Variants in SLMAP observed in about 807,000 individuals in gnomAD.
SLMAP encodes the protein sarcolemma associated protein, also known as sarcolemmal membrane-associated protein.
SLMAP carries 44 observed loss-of-function variants against 128.8 expected under a neutral mutation model. The ratio of observed to expected loss-of-function variants is 0.34; its 90% CI spans 0.27 to 0.44. The LOEUF is 0.44. SLMAP is among the 20% of genes least tolerant of loss of function. SLMAP has a pLI of 1.00. For missense variants in SLMAP, 787 were observed against 985.3 expected, an observed-to-expected ratio of 0.80 and a Z score of 2.69; for synonymous variants, 327 against 348.8, an observed-to-expected ratio of 0.94 and a Z score of 0.70.
chr3:57,915,771 GGAAGAAGGAATT>G (rs886727798), intron 21 of SLMAP, among the ~76,000 whole-genome samples: 4 of 152,116 alleles, frequency 2.6e-5, no homozygotes, highest in African/African-American at 9.7e-5. Flanking sequence ...TCTGGGCTAC[GGAAGAAGGAATT>G]GAAGAAGGAA....
intron 17 of SLMAP, chr3:57,900,143 C>T (rs1414599469): frequency 6.6e-6 from 1 of 152,158 alleles, no homozygotes; most frequent in African/African-American, 2.4e-5. Context: ...TTTCCTCATT[C>T]AAACTTTGTG....
chr3:57,804,816 A>G (rs953773342), intron 2 of SLMAP, among the ~76,000 whole-genome samples: 1 of 152,198 alleles, frequency 6.6e-6, no homozygotes, highest in Non-Finnish European at 1.5e-5. Flanking sequence ...TTCACTGTAG[A>G]TAATCTCCTA....
rs2089510253 is a variant in SLMAP, at chr3:57,805,009, C to CT, written c.199-26367dup. On this transcript the variant is annotated intron_variant, in intron 2 of 24. Coordinates refer to ENST00000671191, the MANE Select transcript of SLMAP (RefSeq NM_001377540.1). ...GAGTCTAGATTGTTATCTGATGTGA[C>CT]TTTTTTTAATCTCTTGTGATCTCTG... Among the ~76,000 whole-genome samples the CT allele has an allele frequency of 2.6e-5, 4 of 152,184 alleles. No homozygotes were observed. The East Asian group carries it at 7.7e-4, about 29-fold the overall frequency.
chr3:57,878,318 A>AT (rs1171038753), intron 14 of SLMAP, among the ~76,000 whole-genome samples: 1 of 152,168 alleles, frequency 6.6e-6, no homozygotes, highest in Non-Finnish European at 1.5e-5. Context: ...ATGAGGTTCT[A>AT]TGTCTCTATT....
At chr3:57,759,605 G>T (rs957998587) in intron 2 of SLMAP, among the ~76,000 whole-genome samples, 4 of 152,140 alleles carry the variant, frequency 2.6e-5, no homozygotes, top group African/African-American at 9.7e-5. Flanking sequence ...AATATTCATA[G>T]AACTCATTTT....
intron 4 of SLMAP, among the ~76,000 whole-genome samples, chr3:57,843,698 C>T (rs2094079548): frequency 7.0e-6 from 1 of 142,744 alleles, no homozygotes; most frequent in Admixed American, 7.2e-5. Flanking sequence ...TGCCTTCCTT[C>T]CTTCCTTTTC....
At chr3:57,842,451 G>C (rs1446919274) in intron 4 of SLMAP, among the ~76,000 whole-genome samples, 2 of 151,824 alleles carry the variant, frequency 1.3e-5, no homozygotes, top group Non-Finnish European at 2.9e-5. Context: ...ATAAACTTTA[G>C]GAAGTTTAAT....
At chr3:57,876,680 T>C (rs142969660) in intron 14 of SLMAP, among the ~76,000 whole-genome samples, 1 of 152,372 alleles carries the variant, frequency 6.6e-6, no homozygotes, top group East Asian at 1.9e-4. Context: ...TGTGTTCTGC[T>C]AAAGATGTTT....
intron 6 of SLMAP, among the ~76,000 whole-genome samples, chr3:57,852,824 T>C (rs2094555812): frequency 6.6e-6 from 1 of 152,224 alleles, no homozygotes; most frequent in African/African-American, 2.4e-5. Flanking sequence ...AACCTTCTTG[T>C]TCTGTGAATA....
In SLMAP at chr3:57,929,759, ATGT is replaced by A. The variant is rs1230215099; in HGVS notation, c.*2476_*2478del. On this transcript the variant is annotated 3_prime_UTR_variant, in exon 25 of 25. Coordinates refer to ENST00000671191, the MANE Select transcript of SLMAP (RefSeq NM_001377540.1). ...GCATCTTGGTTCTACCTTTTATCAGATGTTGTTGCCTTGTGCAAATCACATTTT... is the reference window on the plus strand; with the variant it reads ...GCATCTTGGTTCTACCTTTTATCAGATGTTGCCTTGTGCAAATCACATTTT... Among the ~76,000 whole-genome samples, 9 of 152,208 alleles carry A rather than the reference ATGT, an allele frequency of 5.9e-5. No homozygotes were observed. The highest frequency in any genetic ancestry group is 1.3e-4 in the Admixed American group (2 of 15,276).
intron 4 of SLMAP, among the ~76,000 whole-genome samples, chr3:57,846,554 A>AT (rs1161889766): frequency 0.039 from 5,319 of 136,004 alleles, 174 homozygotes; most frequent in African/African-American, 0.076. Flanking sequence ...AAAATGGATA[A>AT]TTTTTTTTTT....
intron 17 of SLMAP, among the ~76,000 whole-genome samples, chr3:57,904,389 G>A (rs80315472): frequency 0.013 from 1,927 of 152,102 alleles, 28 homozygotes; most frequent in African/African-American, 0.044. Flanking sequence ...GTGACACTGC[G>A]CTCCAGCCTG....
At chr3:57,771,335 A>G (rs1287224704) in intron 2 of SLMAP, among the ~76,000 whole-genome samples, 1 of 151,968 alleles carries the variant, frequency 6.6e-6, no homozygotes, top group Non-Finnish European at 1.5e-5. Flanking sequence ...GGCTCAAGCA[A>G]TCCCCCGTCC....
intron 2 of SLMAP, among the ~76,000 whole-genome samples, chr3:57,818,301 A>G (rs1340501309): frequency 6.6e-6 from 1 of 152,096 alleles, no homozygotes; most frequent in African/African-American, 2.4e-5. Flanking sequence ...GATTACAGGC[A>G]TGCGCCACCA....
chr3:57,787,727 C>T (rs1448675732), intron 2 of SLMAP, among the ~76,000 whole-genome samples: 2 of 152,208 alleles, frequency 1.3e-5, no homozygotes, highest in African/African-American at 4.8e-5. Flanking sequence ...CTGCCCACCT[C>T]AGCCTCCCAA....
intron 7 of SLMAP, 89 bp downstream of exon 7, chr3:57,857,917 A>G (rs975240985): frequency 1.3e-5 from 13 of 1,025,778 alleles, no homozygotes; most frequent in Admixed American, 2.2e-5. Context: ...GCAAACAAAG[A>G]CAAAGTTATT....
chr3:57,758,373 C>T (rs1036549442), intron 2 of SLMAP, among the ~76,000 whole-genome samples: 3 of 152,150 alleles, frequency 2.0e-5, no homozygotes, highest in Non-Finnish European at 4.4e-5. Flanking sequence ...CATACTTGCC[C>T]TTGGAGGAGT....
At chr3:57,813,430 A>G (rs1168305436) in intron 2 of SLMAP, among the ~76,000 whole-genome samples, 1 of 152,008 alleles carries the variant, frequency 6.6e-6, no homozygotes, top group East Asian at 1.9e-4. Flanking sequence ...TTGCTGAATC[A>G]TTTTCCAAAA....
intron 16 of SLMAP, 84 bp from the exon 17 acceptor site, chr3:57,896,789 C>T (rs1279934937): frequency 1.4e-6 from 2 of 1,456,600 alleles, no homozygotes; most frequent in Non-Finnish European, 1.8e-6. Context: ...GTATCAATTC[C>T]AATTGTTTGT....
Sources: gnomAD v4.1 joint callset for allele counts (sites outside exome capture counted in the v4.1 genomes callset) on GRCh38, gnomAD v4.1.1 for gene constraint, MANE v1.5 for transcripts, NCBI Gene and HGNC (gene_info 2026-07-23, HGNC 2026-07-21) for gene names.